The following PGM1 variants were observed in gnomAD, a reference collection of about 807,000 sequenced individuals.
PGM1 encodes phosphoglucomutase 1.
In PGM1, 52 loss-of-function variants were observed where a neutral mutation model predicts 55.6. That is an observed-to-expected ratio of 0.94 (90% CI 0.75 to 1.18). PGM1 has a LOEUF of 1.18. Among genes scored for constraint, PGM1 ranks in the 50% most tolerant of loss-of-function variants. The pLI, the probability that PGM1 is intolerant of heterozygous loss-of-function variation, is 0.00. For missense variants in PGM1, 724 were observed against 729.3 expected (o/e 0.99, Z 0.08); for synonymous variants, 287 against 271.7 (o/e 1.06, Z -0.55).
In PGM1 at chr1:63,651,802, G is replaced by T. The variant is rs774591034; in HGVS notation, c.1414G>T (p.Asp472Tyr). ...NDKVYTVEKA[D>Y]NFEYSDPVDG... ...CAAAGTTTACACTGTGGAGAAGGCC[G>T]ATAACTTTGAATACAGCGACCCAGT... The change falls in exon 9 of 11, where the codon GAT becomes TAT. Residue 472 changes from aspartate to tyrosine, a missense_variant. Around this residue, in one of 3 missense-constraint regions of PGM1, gnomAD observed 316 missense variants for 313.1 expected, o/e 1.01. Transcript: ENST00000371084. The T allele has an allele frequency of 1.2e-6, 2 of 1,613,990 alleles. No homozygotes were observed. Among genetic ancestry groups the T allele is most frequent in the East Asian group, 2.2e-5 (1 of 44,864 alleles).
At chr1:63,653,064 T>C (rs1649858193) in intron 9 of PGM1, among the ~76,000 whole-genome samples, 1 of 152,170 alleles carries the variant, frequency 6.6e-6, no homozygotes, top group Non-Finnish European at 1.5e-5. Context: ...AGCTCTGCAG[T>C]GCCTCTGGCA....
intron 4 of PGM1, among the ~76,000 whole-genome samples, chr1:63,633,363 A>T (rs1649249061): frequency 6.6e-6 from 1 of 152,188 alleles, no homozygotes; most frequent in African/African-American, 2.4e-5. Flanking sequence ...GAAGAAGACT[A>T]CTTTTCTCCA....
intron 10 of PGM1, among the ~76,000 whole-genome samples, chr1:63,658,391 TTCTC>T (rs1289466170): frequency 8.9e-5 from 12 of 135,504 alleles, no homozygotes; most frequent in East Asian, 8.4e-4. Context: ...AGCAACAGAA[TTCTC>T]TCTTTTTTTT....
At chr1:63,619,317 A>G (rs1648824430) in intron 1 of PGM1, among the ~76,000 whole-genome samples, 1 of 152,238 alleles carries the variant, frequency 6.6e-6, no homozygotes, top group Non-Finnish European at 1.5e-5. Context: ...CAGTATGGAA[A>G]AAGGGTCAGA....
chr1:63,616,888 C>T (rs1004027057), intron 1 of PGM1, among the ~76,000 whole-genome samples: 2 of 152,178 alleles, frequency 1.3e-5, no homozygotes, highest in African/African-American at 4.8e-5. Flanking sequence ...TGCACATAGC[C>T]AATGGCCCGT....
At chr1:63,594,880 G>C (rs1472043406) in intron 1 of PGM1, among the ~76,000 whole-genome samples, 1 of 146,206 alleles carries the variant, frequency 6.8e-6, no homozygotes, top group Non-Finnish European at 1.5e-5. Flanking sequence ...AGAATGGCGT[G>C]AACCCGGGAG....
Position 63,654,335 on chromosome 1 carries a change from T to C in PGM1, c.1468T>C (p.Leu490=). Residue 490 remains leucine (L), a synonymous_variant, in exon 10 of 11, where the codon TTG becomes CTG. Coordinates refer to ENST00000371084, the MANE Select transcript of PGM1 (RefSeq NM_002633.3). ...AATCTCTGCTTATCTTTTCCAGGGC[T>C]TGCGCCTCATTTTCACAGATGGTTC... ...VDGSISRNQG[L]RLIFTDGSRI... is the part of the protein sequence containing the mutation. 6.2e-7 allele frequency: 1 copy of C among 1,613,952 alleles called. No individual in the cohort carries two copies. The highest frequency in any genetic ancestry group is 1.1e-5 in the South Asian group (1 of 91,082).
intron 1 of PGM1, among the ~76,000 whole-genome samples, chr1:63,613,479 C>T (rs1021969823): frequency 1.3e-5 from 2 of 151,838 alleles, no homozygotes; most frequent in Non-Finnish European, 2.9e-5. Context: ...GCTAGCAATC[C>T]CTGGTGCAGT....
intron 8 of PGM1, among the ~76,000 whole-genome samples, chr1:63,650,036 A>C (rs1649763448): frequency 6.6e-6 from 1 of 152,230 alleles, no homozygotes; most frequent in Non-Finnish European, 1.5e-5. Context: ...CACACCCTTG[A>C]ATTAGTCACA....
At chr1:63,625,001 T>G (rs193254844) in intron 1 of PGM1, among the ~76,000 whole-genome samples, 53 of 152,318 alleles carry the variant, frequency 3.5e-4, no homozygotes, top group Admixed American at 1.5e-3. Context: ...ATGCCATAAA[T>G]TTTTTCTTTG....
At chr1:63,621,527 A>G (rs1349123747) in intron 1 of PGM1, among the ~76,000 whole-genome samples, 1 of 152,246 alleles carries the variant, frequency 6.6e-6, no homozygotes, top group African/African-American at 2.4e-5. Flanking sequence ...TCACAAGCCC[A>G]TATAAAACCA....
At chr1:63,654,548 C>G (rs1032581546) in intron 10 of PGM1, 82 bp downstream of exon 10, 4 of 1,403,226 alleles carry the variant, frequency 2.9e-6, no homozygotes, top group Middle Eastern at 2.2e-4. Context: ...TTTCAATGCC[C>G]ATTTCTCAAA....
At chr1:63,637,163 A>G (rs1341435843) in intron 6 of PGM1, among the ~76,000 whole-genome samples, 2 of 152,258 alleles carry the variant, frequency 1.3e-5, no homozygotes, top group African/African-American at 2.4e-5. Context: ...ATATATCTCT[A>G]GGCTCTTATA....
intron 1 of PGM1, among the ~76,000 whole-genome samples, chr1:63,615,959 AGCACTGCCCCTTACGAGGCTGCT>A (rs1648701271): frequency 6.6e-6 from 1 of 152,024 alleles, no homozygotes; most frequent in Non-Finnish European, 1.5e-5. Flanking sequence ...AGGTGAGTGA[AGCACTGCCCCTTACGAGGCTGCT>A]GGCAATCTTG....
chr1:63,627,053 A>G (rs1032752535), intron 1 of PGM1, among the ~76,000 whole-genome samples: 6 of 93,210 alleles, frequency 6.4e-5, no homozygotes, highest in East Asian at 4.4e-4. Flanking sequence ...ATATGGCAGG[A>G]CCCCCCCCCC....
At position 63,636,254 on chromosome 1, in the gene PGM1, C is replaced by T; in HGVS notation, c.894C>T (p.Gly298=). 1 of 1,614,122 alleles carries T rather than the reference C, an allele frequency of 6.2e-7. No individual in the cohort carries two copies. Among genetic ancestry groups the T allele is most frequent in the Non-Finnish European group, 8.5e-7 (1 of 1,179,934 alleles). Residue 298 remains glycine, a synonymous_variant, in exon 6 of 11, where the codon GGC becomes GGT. Coordinates refer to ENST00000371084, the MANE Select transcript of PGM1 (RefSeq NM_002633.3). ...DGDGDRNMIL[G]KHGFFVNPSD... is the part of the protein sequence containing the mutation. ...CCAAGGATCGAAACATGATTCTGGGCAAGCATGGGTTCTTTGTGAACCCTT... is the reference window on the plus strand; with the variant it reads ...CCAAGGATCGAAACATGATTCTGGGTAAGCATGGGTTCTTTGTGAACCCTT...
intron 2 of PGM1, 130 bp from the exon 3 acceptor site, chr1:63,629,812 T>C: frequency 8.6e-7 from 1 of 1,166,116 alleles, no homozygotes; most frequent in Non-Finnish European, 1.3e-6. Context: ...TTTAGAAAAA[T>C]CCTGCTACTT....
chr1:63,629,678 T>C, intron 2 of PGM1, 91 bp downstream of exon 2: 2 of 1,341,750 alleles, frequency 1.5e-6, no homozygotes, highest in East Asian at 4.6e-5. Context: ...GTTTTGGTTC[T>C]GATCCTTTGC....
intron 1 of PGM1, among the ~76,000 whole-genome samples, chr1:63,599,688 A>G (rs1648180273): frequency 6.6e-6 from 1 of 152,132 alleles, no homozygotes; most frequent in Admixed American, 6.5e-5. Flanking sequence ...TACTTGAGAC[A>G]CTGAGGTAGG....
Sources: allele counts gnomAD v4.1 joint callset (sites outside exome capture counted in the v4.1 genomes callset), GRCh38; gene constraint gnomAD v4.1.1; regional missense constraint gnomAD v4.1.1; transcripts MANE v1.5; gene names NCBI Gene and HGNC (gene_info 2026-07-23, HGNC 2026-07-21).